Variants in ABTB2 observed in about 807,000 individuals in gnomAD.
The protein encoded by ABTB2 is ankyrin repeat and BTB domain containing 2, also known as ankyrin repeat and BTB/POZ domain-containing protein 2.
Under a neutral mutation model 104.1 loss-of-function variants are expected in ABTB2, and 56 were observed. The ratio of observed to expected loss-of-function variants is 0.54; its 90% CI spans 0.43 to 0.67. The LOEUF is 0.67. Among genes scored for constraint, ABTB2 ranks in the 30% least tolerant of loss-of-function variants. ABTB2 has a pLI of 0.00. For missense variants in ABTB2, 1,279 were observed against 1,407.7 expected, an observed-to-expected ratio of 0.91 and a Z score of 1.46; for synonymous variants, 606 against 608.2, an observed-to-expected ratio of 1.00 and a Z score of 0.05.
At chr11:34,157,653 G>T (rs1297396769) in intron 14 of ABTB2, among the ~76,000 whole-genome samples, 3 of 152,212 alleles carry the variant, frequency 2.0e-5, no homozygotes, top group Non-Finnish European at 4.4e-5. Context: ...GAGAAAAGAG[G>T]GAAGGGGAGA....
intron 1 of ABTB2, among the ~76,000 whole-genome samples, chr11:34,269,891 G>A (rs1303929569): frequency 6.6e-6 from 1 of 152,070 alleles, no homozygotes; most frequent in Admixed American, 6.5e-5. Context: ...ATACAATCAC[G>A]TGACTCGATC....
At chr11:34,290,029 A>G (rs1170069427) in intron 1 of ABTB2, among the ~76,000 whole-genome samples, 2 of 152,228 alleles carry the variant, frequency 1.3e-5, no homozygotes, top group Non-Finnish European at 2.9e-5. Flanking sequence ...CTTCTTTAAA[A>G]CAAATTAACA....
chr11:34,192,914 A>G (rs1008524764), intron 3 of ABTB2, among the ~76,000 whole-genome samples: 1 of 152,182 alleles, frequency 6.6e-6, no homozygotes, highest in Non-Finnish European at 1.5e-5. Context: ...GCTGCCTTCC[A>G]GCAATTTGCT....
At chr11:34,243,900 C>T (rs1006607791) in intron 1 of ABTB2, among the ~76,000 whole-genome samples, 1 of 152,204 alleles carries the variant, frequency 6.6e-6, no homozygotes, top group Non-Finnish European at 1.5e-5. Context: ...CTGGGAAAGC[C>T]CCACCTGACT....
At chr11:34,272,733 C>CAAAAAAAAAAAAAAAAAAAAAAAAA (rs1323130706) in intron 1 of ABTB2, among the ~76,000 whole-genome samples, 1 of 127,654 alleles carries the variant, frequency 7.8e-6, no homozygotes, top group African/African-American at 3.0e-5. Flanking sequence ...AAAAAAAAAC[C>CAAAAAAAAAAAAAAAAAAAAAAAAA]AACCAACCAT....
At chr11:34,322,264 T>C (rs1855013475) in intron 1 of ABTB2, among the ~76,000 whole-genome samples, 1 of 152,208 alleles carries the variant, frequency 6.6e-6, no homozygotes, top group Non-Finnish European at 1.5e-5. Context: ...TTTATATTTT[T>C]GAGGCAAGCA....
At chr11:34,212,008 G>A (rs1475307976) in intron 1 of ABTB2, among the ~76,000 whole-genome samples, 2 of 152,012 alleles carry the variant, frequency 1.3e-5, no homozygotes, top group East Asian at 3.9e-4. Context: ...AAATTCAAAT[G>A]GGGAGAAAAT....
chr11:34,173,430 G>A, intron 3 of ABTB2, 123 bp from the exon 4 acceptor site: 2 of 1,231,872 alleles, frequency 1.6e-6, no homozygotes, highest in Non-Finnish European at 2.2e-6. Flanking sequence ...CCTAGGGTGG[G>A]GGGCTCCCTG....
chr11:34,328,440 A>G (rs1011204620), intron 1 of ABTB2, among the ~76,000 whole-genome samples: 2 of 152,132 alleles, frequency 1.3e-5, no homozygotes, highest in African/African-American at 4.8e-5. Flanking sequence ...TAACCTCCCC[A>G]AGCCTCTGCT....
At chr11:34,161,886 T>C (rs1852725454) in intron 10 of ABTB2, among the ~76,000 whole-genome samples, 1 of 152,174 alleles carries the variant, frequency 6.6e-6, no homozygotes, top group African/African-American at 2.4e-5. Context: ...GTCTCTGTTT[T>C]ACGGTGAAGA....
In ABTB2 at chr11:34,160,329, C is replaced by G; in HGVS notation, c.2422G>C (p.Ala808Pro). 1 of 1,614,072 alleles carries G rather than the reference C, an allele frequency of 6.2e-7. No homozygotes were observed. The highest frequency in any genetic ancestry group is 8.5e-7 in the Non-Finnish European group (1 of 1,179,972). Residue 808 changes from alanine to proline, a missense_variant, in exon 12 of 17, where the codon GCT (alanine) becomes CCT (proline). Transcript: ENST00000435224. ...CCATAGCAGTGGGTGAAGATGGTAG[C>G]CAGTTGCTGGATGACGGAGTCGTTC... ...SKNDSVIQQL[A>P]TIFTHCYGSS...
intron 4 of ABTB2, among the ~76,000 whole-genome samples, chr11:34,172,189 A>G (rs544961246): frequency 8.6e-5 from 13 of 152,002 alleles, no homozygotes; most frequent in African/African-American, 3.1e-4. Flanking sequence ...CCTGACCAAC[A>G]TGATGAAACC....
chr11:34,307,883 G>T (rs1340604782), intron 1 of ABTB2, among the ~76,000 whole-genome samples: 2 of 152,146 alleles, frequency 1.3e-5, no homozygotes, highest in African/African-American at 4.8e-5. Flanking sequence ...ATTTTTAGTA[G>T]AGACAGGGTT....
At chr11:34,192,924 T>C (rs1371866781) in intron 3 of ABTB2, among the ~76,000 whole-genome samples, 1 of 152,212 alleles carries the variant, frequency 6.6e-6, no homozygotes, top group Non-Finnish European at 1.5e-5. Context: ...AGCAATTTGC[T>C]GGCAAGCGGG....
At chr11:34,279,924 G>T (rs191699397) in intron 1 of ABTB2, among the ~76,000 whole-genome samples, 3 of 151,678 alleles carry the variant, frequency 2.0e-5, no homozygotes, top group Admixed American at 1.3e-4. Context: ...AAATAGCTGG[G>T]ACTACAGGTG....
At chr11:34,315,081 T>A (rs1854909085) in intron 1 of ABTB2, among the ~76,000 whole-genome samples, 1 of 152,140 alleles carries the variant, frequency 6.6e-6, no homozygotes, top group South Asian at 2.1e-4. Context: ...GGCTCAAAAT[T>A]CCATATTAAA....
At chr11:34,251,554 T>C (rs1255891316) in intron 1 of ABTB2, among the ~76,000 whole-genome samples, 1 of 152,198 alleles carries the variant, frequency 6.6e-6, no homozygotes, top group Non-Finnish European at 1.5e-5. Context: ...TCAGCTATGC[T>C]GGGGGAAGCC....
At chr11:34,250,968 ACT>A (rs1220317901) in intron 1 of ABTB2, among the ~76,000 whole-genome samples, 2 of 152,148 alleles carry the variant, frequency 1.3e-5, no homozygotes, top group East Asian at 1.9e-4. Context: ...GCAAAGCAAG[ACT>A]CACATCCAGG....
At chr11:34,248,114 A>ATTTTTTTTTTT (rs1363625721) in intron 1 of ABTB2, among the ~76,000 whole-genome samples, 3 of 126,328 alleles carry the variant, frequency 2.4e-5, no homozygotes, top group South Asian at 5.2e-4. Context: ...AAAAAAAAAA[A>ATTTTTTTTTTT]AAAAAAAACA....
Sources: gnomAD v4.1 joint callset for allele counts (sites outside exome capture counted in the v4.1 genomes callset) on GRCh38, gnomAD v4.1.1 for gene constraint, MANE v1.5 for transcripts, NCBI Gene and HGNC (gene_info 2026-07-23, HGNC 2026-07-21) for gene names.